TRPC7: variants seen among roughly 807,000 people sequenced by gnomAD.
The protein encoded by TRPC7 is transient receptor potential cation channel subfamily C member 7.
A neutral mutation model predicts 90.1 loss-of-function variants in TRPC7; 42 were observed. The ratio of observed to expected loss-of-function variants is 0.47; its 90% CI spans 0.36 to 0.60. TRPC7 has a LOEUF of 0.60. TRPC7 is among the 20% of genes least tolerant of loss of function. TRPC7 has a pLI of 0.00. For synonymous variants in TRPC7, 451 were observed against 436.3 expected, an observed-to-expected ratio of 1.03 and a Z score of -0.42; for missense variants, 955 against 1,112.3, an observed-to-expected ratio of 0.86 and a Z score of 2.01.
At chr5:136,350,071 G>C (rs1042252619) in intron 2 of TRPC7, among the ~76,000 whole-genome samples, 1 of 152,130 alleles carries the variant, frequency 6.6e-6, no homozygotes, top group Non-Finnish European at 1.5e-5. Context: ...TGTGTAGTGA[G>C]CTGTATCATC....
At chr5:136,264,568 T>TGGTCACAG (rs1481015726) in intron 5 of TRPC7, among the ~76,000 whole-genome samples, 1 of 152,026 alleles carries the variant, frequency 6.6e-6, no homozygotes, top group Non-Finnish European at 1.5e-5. Context: ...AATGAGCCTT[T>TGGTCACAG]GGTCACAGGG....
At chr5:136,352,789 A>G (rs1760240489) in intron 2 of TRPC7, among the ~76,000 whole-genome samples, 1 of 152,160 alleles carries the variant, frequency 6.6e-6, no homozygotes, top group Admixed American at 6.6e-5. Flanking sequence ...TGCCCTCCAT[A>G]CACATACAGT....
intron 3 of TRPC7, among the ~76,000 whole-genome samples, chr5:136,291,374 A>G (rs13168293): frequency 0.33 from 49,794 of 151,898 alleles, 8,420 homozygotes; most frequent in South Asian, 0.5. Context: ...AAGACCCATC[A>G]GTGTGCTGTA....
rs747518092 is a variant in TRPC7, at chr5:136,213,641, G to A, written c.2420-37C>T. On this transcript the variant is annotated intron_variant, in intron 11 of 11. Transcript: ENST00000513104. ...GAGGAGATTTTGCTGAGTCTGAGTA[G>A]GTGGAAGCTCGGGGCTTGTCCCATG... The A allele has an allele frequency of 3.1e-6, 5 of 1,609,954 alleles. No individual in the cohort carries two copies. The Admixed American group carries it at 8.4e-5, about 27-fold the overall frequency.
At chr5:136,315,468 T>C (rs1758982361) in intron 3 of TRPC7, 129 bp downstream of exon 3, 1 of 1,001,210 alleles carries the variant, frequency 1.0e-6, no homozygotes, top group Non-Finnish European at 1.5e-6. Context: ...TAGCTCCCTG[T>C]CTAAAGAGAA....
At chr5:136,335,200 T>C (rs1333524907) in intron 2 of TRPC7, among the ~76,000 whole-genome samples, 1 of 152,132 alleles carries the variant, frequency 6.6e-6, no homozygotes, top group Non-Finnish European at 1.5e-5. Context: ...CCCAGGCTTT[T>C]ACCTCCAACC....
chr5:136,272,634 T>C (rs1443921886), intron 4 of TRPC7, among the ~76,000 whole-genome samples: 2 of 152,176 alleles, frequency 1.3e-5, no homozygotes, highest in Non-Finnish European at 2.9e-5. Context: ...GACAAGTGGC[T>C]TAATGATCAG....
rs750313348 is a variant in TRPC7 at position 136,247,673 on chromosome 5, C to T, written c.1642G>A (p.Val548Ile). 1.1e-5 allele frequency: 18 copies of T among 1,613,854 alleles called. 1 individual carries two copies. The highest frequency in any genetic ancestry group is 5.0e-5 in the Admixed American group (3 of 60,006). The change falls in exon 7 of 12, where the codon GTC becomes ATC. Residue 548 changes from valine to isoleucine, a missense_variant. By Grantham distance (29) the Val-to-Ile change is conservative. Around this residue, in one of 4 missense-constraint regions of TRPC7, gnomAD observed 296 missense variants for 422.7 expected, o/e 0.70. Transcript: ENST00000513104. The surrounding 1 kb of genome is among the most constrained non-coding windows in gnomAD (Gnocchi z 4.2). ...GCAATGCGAGAGAAGCTCAGCACGA[C>T]GGCTATCGCGTAGAGCCCTTCCGAT... ...IISEGLYAIA[V>I]VLSFSRIAYI...
intron 2 of TRPC7, among the ~76,000 whole-genome samples, chr5:136,355,470 T>C (rs1192339387): frequency 3.9e-5 from 6 of 152,152 alleles, no homozygotes; most frequent in African/African-American, 7.2e-5. Flanking sequence ...ATAGATAAGG[T>C]GGTTAGTGCT....
At chr5:136,216,960 C>T (rs191964143) in intron 10 of TRPC7, among the ~76,000 whole-genome samples, 40 of 152,260 alleles carry the variant, frequency 2.6e-4, no homozygotes, top group African/African-American at 9.4e-4. Context: ...ATACTGAATT[C>T]GTTAAGCAGG....
intron 3 of TRPC7, among the ~76,000 whole-genome samples, chr5:136,307,889 G>A (rs118042251): frequency 6.6e-6 from 1 of 152,162 alleles, no homozygotes; most frequent in South Asian, 2.1e-4. Context: ...CATGTTCTAG[G>A]TACATTGCAT....
intron 8 of TRPC7, among the ~76,000 whole-genome samples, chr5:136,228,187 T>C (rs2149795868): frequency 6.6e-6 from 1 of 152,098 alleles, no homozygotes; most frequent in Non-Finnish European, 1.5e-5. Context: ...GAGGAGGGTC[T>C]AGGTGCTGAG....
intron 3 of TRPC7, among the ~76,000 whole-genome samples, chr5:136,287,060 C>T (rs550398875): frequency 6.6e-6 from 1 of 152,162 alleles, no homozygotes; most frequent in African/African-American, 2.4e-5. Flanking sequence ...GCACTGTAGT[C>T]CAGATGCCGC....
At chr5:136,273,855 T>C (rs531600449) in intron 4 of TRPC7, among the ~76,000 whole-genome samples, 1 of 152,342 alleles carries the variant, frequency 6.6e-6, no homozygotes, top group South Asian at 2.1e-4. Context: ...TGGTTTGGTC[T>C]TAAAAGCACT....
At chr5:136,299,009 A>G (rs1395580102) in intron 3 of TRPC7, among the ~76,000 whole-genome samples, 1 of 152,104 alleles carries the variant, frequency 6.6e-6, no homozygotes, top group Non-Finnish European at 1.5e-5. Flanking sequence ...TTACTTAAAA[A>G]AAAAATCAGG....
chr5:136,312,972 C>CTTTTTTTTTTT (rs34840823), intron 3 of TRPC7, among the ~76,000 whole-genome samples: 1 of 97,058 alleles, frequency 1.0e-5, no homozygotes, highest in Non-Finnish European at 2.0e-5. Context: ...AGTAGTGATT[C>CTTTTTTTTTTT]TTTTTTTTTT....
intron 2 of TRPC7, among the ~76,000 whole-genome samples, chr5:136,318,567 G>C (rs1759099004): frequency 1.3e-5 from 2 of 152,084 alleles, no homozygotes; most frequent in Non-Finnish European, 2.9e-5. Flanking sequence ...TGTTATTCTT[G>C]ATGGTTTCAC....
chr5:136,247,375 A>G lies in TRPC7; in HGVS notation c.1844+96T>C, dbSNP rs1191628131. On this transcript the variant is annotated intron_variant, in intron 7 of 11. Transcript: ENST00000513104. The surrounding 1 kb of genome is among the most constrained non-coding windows in gnomAD (Gnocchi z 4.2). ...CCTTTAACCTTGAGAGATAGCAAGGAAACAGCAGTCTCTGCAAGAAGCCAC... is the reference window on the plus strand; with the variant it reads ...CCTTTAACCTTGAGAGATAGCAAGGGAACAGCAGTCTCTGCAAGAAGCCAC... 1 of 1,351,818 alleles carries G rather than the reference A, an allele frequency of 7.4e-7. No individual in the cohort carries two copies. Among genetic ancestry groups the G allele is most frequent in the Non-Finnish European group, 1.0e-6 (1 of 996,656 alleles). 83.7% of individuals were successfully genotyped at this position (1,351,818 alleles called of 1,614,324 possible). A position where few individuals can be genotyped will look rare whatever the true frequency, so the allele number is the denominator to read the frequency against.
chr5:136,323,503 A>AT (rs1759259596), intron 2 of TRPC7, among the ~76,000 whole-genome samples: 3 of 152,218 alleles, frequency 2.0e-5, no homozygotes, highest in South Asian at 4.2e-4. Context: ...TTTTGTGTTA[A>AT]TTTTTTGTAT....
Sources: gnomAD v4.1 joint callset for allele counts (sites outside exome capture counted in the v4.1 genomes callset) on GRCh38, gnomAD v4.1.1 for gene constraint, gnomAD v4.1.1 regional missense constraint, Gnocchi (gnomAD v3.1) non-coding constraint, MANE v1.5 for transcripts, NCBI Gene and HGNC (gene_info 2026-07-23, HGNC 2026-07-21) for gene names.